The following SVOPL variants were observed in gnomAD, a reference collection of about 807,000 sequenced individuals.
SVOPL encodes the protein SVOP like, also known as putative transporter SVOPL.
Under a neutral mutation model 61.0 loss-of-function variants are expected in SVOPL, and 60 were observed. That is an observed-to-expected ratio of 0.98 (90% CI 0.80 to 1.22). The LOEUF is 1.22. Ranked by LOEUF, SVOPL falls within the 50% of genes most tolerant of loss-of-function variation. The pLI is 0.00. For missense variants in SVOPL, 662 were observed against 643.9 expected (o/e 1.03, Z -0.30); for synonymous variants, 279 against 250.0 (o/e 1.12, Z -1.09).
chr7:138,687,772 G>C (rs997155324), intron 1 of SVOPL, among the ~76,000 whole-genome samples: 11 of 147,524 alleles, frequency 7.5e-5, no homozygotes, highest in Non-Finnish European at 1.6e-4. Context: ...AATATATAAA[G>C]AACTCTTACA....
At chr7:138,652,054 C>G (rs938670847) in intron 7 of SVOPL, among the ~76,000 whole-genome samples, 4 of 151,942 alleles carry the variant, frequency 2.6e-5, no homozygotes, top group African/African-American at 7.2e-5. Flanking sequence ...TTCATGCCAC[C>G]ACACCCAGCC....
rs952172037 is a variant in SVOPL at position 138,656,458 on chromosome 7, G to C, written c.524C>G (p.Pro175Arg). ...CCTACGTTGCCTTACCTGAGACAAGGGTAACATATAGCCTCGGTATTTCGT... is the reference window on the plus strand; with the variant it reads ...CCTACGTTGCCTTACCTGAGACAAGCGTAACATATAGCCTCGGTATTTCGT... ...LPTKYRGYML[P>R]LSQVFWLAGS... Residue 175 changes from proline (P) to arginine (R), a missense_variant, in exon 7 of 16, where the codon CCC (proline) becomes CGC (arginine). By Grantham distance (103) the Pro-to-Arg change is moderately radical. Transcript: ENST00000674285. 2 of 1,613,804 alleles carry C rather than the reference G, an allele frequency of 1.2e-6. No homozygotes were observed. The highest frequency in any genetic ancestry group is 2.2e-5 in the South Asian group (2 of 91,036).
At chr7:138,631,418 T>C (rs1437044460) in intron 9 of SVOPL, among the ~76,000 whole-genome samples, 1 of 152,092 alleles carries the variant, frequency 6.6e-6, no homozygotes, top group Non-Finnish European at 1.5e-5. Flanking sequence ...TATCAAATAG[T>C]AAGTCTTATT....
At chr7:138,633,282 T>A (rs1039788615) in intron 9 of SVOPL, among the ~76,000 whole-genome samples, 1 of 152,230 alleles carries the variant, frequency 6.6e-6, no homozygotes, top group African/African-American at 2.4e-5. Flanking sequence ...AGTCTCATGT[T>A]GAAATGTGAT....
At chr7:138,640,692 C>T (rs1800739771) in intron 9 of SVOPL, among the ~76,000 whole-genome samples, 1 of 152,128 alleles carries the variant, frequency 6.6e-6, no homozygotes, top group Admixed American at 6.5e-5. Flanking sequence ...ATGTTCTCAC[C>T]TTTAAGTGGG....
At chr7:138,610,264 C>T (rs924762591) in intron 14 of SVOPL, among the ~76,000 whole-genome samples, 2 of 151,864 alleles carry the variant, frequency 1.3e-5, no homozygotes, top group African/African-American at 4.8e-5. Context: ...TCCCTCTCCT[C>T]TGTCCATACA....
intron 4 of SVOPL, among the ~76,000 whole-genome samples, chr7:138,664,795 T>C: frequency 1.5e-5 from 1 of 66,984 alleles, no homozygotes; most frequent in Non-Finnish European, 2.9e-5. Context: ...CCCCCAGCTC[T>C]TCCTCCTCCG....
chr7:138,603,101 T>A (rs1191625297), intron 14 of SVOPL, among the ~76,000 whole-genome samples: 1 of 152,122 alleles, frequency 6.6e-6, no homozygotes, highest in African/African-American at 2.4e-5. Flanking sequence ...CACACAGACA[T>A]GCCCAGAGAG....
intron 1 of SVOPL, among the ~76,000 whole-genome samples, chr7:138,693,709 G>A (rs1360968252): frequency 1.3e-5 from 2 of 151,936 alleles, no homozygotes; most frequent in Admixed American, 1.3e-4. Flanking sequence ...GGGAGGCAGG[G>A]AGGGAAGGAA....
chr7:138,633,382 C>T (rs576021369), intron 9 of SVOPL, among the ~76,000 whole-genome samples: 7 of 152,192 alleles, frequency 4.6e-5, no homozygotes, highest in East Asian at 3.9e-4. Context: ...CCTGCAGTAA[C>T]GAGTGAGTTC....
At chr7:138,643,371 G>A (rs1315551328) in intron 9 of SVOPL, among the ~76,000 whole-genome samples, 5 of 138,026 alleles carry the variant, frequency 3.6e-5, no homozygotes, top group Non-Finnish European at 6.0e-5. Context: ...GTTGCAGTGA[G>A]CCAAGATCAC....
intron 9 of SVOPL, among the ~76,000 whole-genome samples, chr7:138,630,677 T>C (rs111580902): frequency 0.055 from 8,334 of 152,244 alleles, 756 homozygotes; most frequent in African/African-American, 0.19. Flanking sequence ...GTGTGGGGGC[T>C]CACGCCTGTA....
At position 138,656,547 on chromosome 7, in the gene SVOPL, T is replaced by C. The variant is rs778670264; in HGVS notation, c.471-36A>G. ...AGCAGGAAAAAGCATAATTTTGTTT[T>C]AAAAAACTAAATCATCTTTTAAAAA... On this transcript the variant is annotated intron_variant, in intron 6 of 15. Coordinates refer to ENST00000674285, the MANE Select transcript of SVOPL (RefSeq NM_001139456.2). 18 of 1,601,340 alleles carry C rather than the reference T, an allele frequency of 1.1e-5. No homozygotes were observed. In the South Asian group the frequency reaches 1.8e-4, roughly 16 times the overall value.
At chr7:138,660,991 T>G (rs1801977241) in intron 5 of SVOPL, 1 of 982,660 alleles carries the variant, frequency 1.0e-6, no homozygotes, top group South Asian at 4.7e-5. Context: ...ACTTTAATGT[T>G]TTTTCAAAGT....
At chr7:138,690,696 G>A (rs1409864517) in intron 1 of SVOPL, among the ~76,000 whole-genome samples, 1 of 151,998 alleles carries the variant, frequency 6.6e-6, no homozygotes, top group East Asian at 1.9e-4. Flanking sequence ...AAACATTCTG[G>A]AATTCTACCA....
intron 9 of SVOPL, among the ~76,000 whole-genome samples, chr7:138,631,079 C>T (rs1439169523): frequency 6.6e-6 from 1 of 151,826 alleles, no homozygotes; most frequent in African/African-American, 2.4e-5. Context: ...CAGAAATAGA[C>T]CTGGGATTAC....
chr7:138,602,077 T>C (rs891209544), intron 14 of SVOPL, among the ~76,000 whole-genome samples: 3 of 152,122 alleles, frequency 2.0e-5, no homozygotes, highest in Admixed American at 2.0e-4. Context: ...GGCATGGTGG[T>C]GCATGCTTAT....
intron 14 of SVOPL, among the ~76,000 whole-genome samples, chr7:138,608,814 T>C (rs1330585515): frequency 6.6e-6 from 1 of 152,056 alleles, no homozygotes; most frequent in Non-Finnish European, 1.5e-5. Flanking sequence ...TACATTTGAG[T>C]GTCTATGAAC....
rs1217679035 is a variant in SVOPL, at chr7:138,678,483, C to A, written c.125G>T (p.Gly42Val). The A allele has an allele frequency of 1.2e-5, 19 of 1,552,012 alleles. No homozygotes were observed. The highest frequency in any genetic ancestry group is 1.7e-5 in the Non-Finnish European group (19 of 1,147,086). ...GAGGGCAATGTGGAAACGCCCGAAG[C>A]CGATAGTCTCCACTGCATCTTCCAC... is the stretch of plus-strand genomic sequence containing the variant. Reference protein sequence around the residue: ...FTVEDAVETIGFGRFHIALFL... With the variant: ...FTVEDAVETIVFGRFHIALFL... Residue 42 changes from glycine (G) to valine (V), a missense_variant, in exon 3 of 16, where the codon GGC becomes GTC. Gly to Val is a moderately radical substitution (Grantham distance 109). Coordinates refer to ENST00000674285, the MANE Select transcript of SVOPL (RefSeq NM_001139456.2).
Sources: allele counts gnomAD v4.1 joint callset (sites outside exome capture counted in the v4.1 genomes callset), GRCh38; gene constraint gnomAD v4.1.1; transcripts MANE v1.5; gene names NCBI Gene and HGNC (gene_info 2026-07-23, HGNC 2026-07-21).